Variants in SPIRE1 observed in about 807,000 individuals in gnomAD.
SPIRE1 encodes the protein protein spire homolog 1.
A neutral mutation model predicts 94.1 loss-of-function variants in SPIRE1; 40 were observed. The ratio of observed to expected loss-of-function variants is 0.43; its 90% CI spans 0.33 to 0.55. SPIRE1 has a LOEUF of 0.55. Among genes scored for constraint, SPIRE1 ranks in the 20% least tolerant of loss-of-function variants. SPIRE1 has a pLI of 0.06. For synonymous variants in SPIRE1, 376 were observed against 371.7 expected (o/e 1.01, Z -0.13); for missense variants, 838 against 975.2 (o/e 0.86, Z 1.87).
chr18:12,563,900 G>A lies in SPIRE1; in HGVS notation c.373-16996C>T, dbSNP rs1598476293. Among the ~76,000 whole-genome samples, 3 of 152,176 alleles carry A rather than the reference G, an allele frequency of 2.0e-5. No individual in the cohort carries two copies. In the East Asian group the frequency reaches 5.8e-4, roughly 29 times the overall value. On this transcript the variant is annotated intron_variant, in intron 2 of 16. Transcript: ENST00000409402. Reference sequence around the variant, plus strand: ...TCCTGAAATGTGTAAATATTCAAGAGCAAACTATTAAATTCTATCTTTTTC... The same window carrying A: ...TCCTGAAATGTGTAAATATTCAAGAACAAACTATTAAATTCTATCTTTTTC...
At chr18:12,562,398 T>C (rs925485281) in intron 2 of SPIRE1, among the ~76,000 whole-genome samples, 3 of 151,912 alleles carry the variant, frequency 2.0e-5, no homozygotes, top group Admixed American at 1.3e-4. Flanking sequence ...GATCCTCCCA[T>C]CTCAGCCTCC....
At chr18:12,452,201 A>T (rs1465140058) in intron 16 of SPIRE1, 54 bp downstream of exon 16, 1 of 1,609,166 alleles carries the variant, frequency 6.2e-7, no homozygotes, top group Non-Finnish European at 8.5e-7. Context: ...AGTCCTCAAG[A>T]GTAGAACTCT....
chr18:12,582,437 C>T (rs990235928), intron 2 of SPIRE1, among the ~76,000 whole-genome samples: 7 of 152,108 alleles, frequency 4.6e-5, no homozygotes. Flanking sequence ...TAAAGCTAAA[C>T]TGTGGTATGT....
At chr18:12,629,685 T>C (rs1598557441) in intron 2 of SPIRE1, among the ~76,000 whole-genome samples, 1 of 152,170 alleles carries the variant, frequency 6.6e-6, no homozygotes, top group Non-Finnish European at 1.5e-5. Flanking sequence ...AACTTGATTG[T>C]AGGGATAGTT....
At chr18:12,545,802 C>G (rs2035145257) in intron 3 of SPIRE1, among the ~76,000 whole-genome samples, 1 of 152,032 alleles carries the variant, frequency 6.6e-6, no homozygotes, top group African/African-American at 2.4e-5. Flanking sequence ...GTTTTTTACT[C>G]TAGAAAAAGG....
chr18:12,566,437 A>G (rs2037510878), intron 2 of SPIRE1, among the ~76,000 whole-genome samples: 1 of 152,264 alleles, frequency 6.6e-6, no homozygotes, highest in South Asian at 2.1e-4. Context: ...TGAAGTAAAA[A>G]TAAGTGATGG....
chr18:12,506,114 C>T (rs1356522360), intron 6 of SPIRE1, among the ~76,000 whole-genome samples: 1 of 152,046 alleles, frequency 6.6e-6, no homozygotes, highest in African/African-American at 2.4e-5. Context: ...CTATTTTCAA[C>T]AAATGCAATT....
intron 16 of SPIRE1, chr18:12,451,065 T>C: frequency 2.5e-6 from 1 of 397,042 alleles, no homozygotes; most frequent in Non-Finnish European, 4.5e-6. Flanking sequence ...TAAGAGACTG[T>C]CCATTTGAAA....
At chr18:12,506,743 A>G in intron 5 of SPIRE1, 102 bp from the exon 6 acceptor site, 5 of 1,159,298 alleles carry the variant, frequency 4.3e-6, no homozygotes, top group Non-Finnish European at 6.2e-6. Flanking sequence ...TTACAAAACA[A>G]TGAGTAAACC....
Position 12,447,007 on chromosome 18 carries a change from G to T in SPIRE1, c.*2631C>A, listed in dbSNP as rs1200152586. ...AGTTAATTCCCACTGTCCACTGAATGAATGCCTTTCAAATATTAATAAATA... is the reference window on the plus strand; with the variant it reads ...AGTTAATTCCCACTGTCCACTGAATTAATGCCTTTCAAATATTAATAAATA... On this transcript the variant is annotated 3_prime_UTR_variant, in exon 17 of 17. Coordinates refer to ENST00000409402, the MANE Select transcript of SPIRE1 (RefSeq NM_001128626.2). The T allele has an allele frequency of 6.6e-6, 1 of 152,132 alleles. No homozygotes were observed. The highest frequency in any genetic ancestry group is 1.5e-5 in the Non-Finnish European group (1 of 68,022). 9.4% of individuals were successfully genotyped at this position (152,132 alleles called of 1,614,324 possible). A position where few individuals can be genotyped will look rare whatever the true frequency, so the allele number is the denominator to read the frequency against.
chr18:12,480,009 T>A (rs1222763539), intron 9 of SPIRE1, 138 bp from the exon 10 acceptor site: 1 of 654,160 alleles, frequency 1.5e-6, no homozygotes, highest in Non-Finnish European at 2.4e-6. Context: ...ATAGAAAACT[T>A]CTTCTGGTTG....
At chr18:12,585,979 C>T (rs896034113) in intron 2 of SPIRE1, among the ~76,000 whole-genome samples, 2 of 152,150 alleles carry the variant, frequency 1.3e-5, no homozygotes, top group Non-Finnish European at 1.5e-5. Flanking sequence ...GAGACAGGGT[C>T]TTGCTCTGTC....
intron 2 of SPIRE1, among the ~76,000 whole-genome samples, chr18:12,597,800 T>C (rs191444254): frequency 1.4e-4 from 22 of 152,300 alleles, no homozygotes; most frequent in African/African-American, 5.1e-4. Context: ...CAATTAAATA[T>C]GCAGGCTGGA....
intron 2 of SPIRE1, among the ~76,000 whole-genome samples, chr18:12,608,229 T>A (rs2037042928): frequency 1.3e-5 from 2 of 152,154 alleles, no homozygotes; most frequent in African/African-American, 2.4e-5. Flanking sequence ...AATTTTTTTT[T>A]AATTTTGTCT....
rs199553990 is a variant in SPIRE1, at chr18:12,635,405, CTTTCT to C, written c.338-314_338-310del. 1.2e-3 allele frequency among the ~76,000 whole-genome samples: 177 copies of C among 152,198 alleles called. 1 individual carries two copies. Among genetic ancestry groups the C allele is most frequent in the East Asian group, 7.3e-3 (38 of 5,192 alleles). ...CAAACAAAAACATTTGAAAGTCTTG[CTTTCT>C]TTTAAGAAACACCTTAAAATACTTT... On this transcript the variant is annotated intron_variant, in intron 1 of 16. Coordinates refer to ENST00000409402, the MANE Select transcript of SPIRE1 (RefSeq NM_001128626.2).
At chr18:12,555,997 A>G (rs1180589836) in intron 2 of SPIRE1, among the ~76,000 whole-genome samples, 1 of 152,200 alleles carries the variant, frequency 6.6e-6, no homozygotes, top group African/African-American at 2.4e-5. Context: ...ATCAACATAC[A>G]AAAATCAGTC....
chr18:12,523,058 GA>G (rs2034408753), intron 4 of SPIRE1, among the ~76,000 whole-genome samples: 1 of 152,142 alleles, frequency 6.6e-6, no homozygotes. Flanking sequence ...TTCTGGAAAG[GA>G]TTCATCATTC....
At chr18:12,470,728 C>G (rs1348932741) in intron 10 of SPIRE1, among the ~76,000 whole-genome samples, 2 of 152,122 alleles carry the variant, frequency 1.3e-5, no homozygotes, top group Non-Finnish European at 2.9e-5. Context: ...TTTTGCTTAT[C>G]TGGGGAATTC....
intron 2 of SPIRE1, among the ~76,000 whole-genome samples, chr18:12,580,709 C>T (rs908793173): frequency 2.0e-5 from 3 of 152,204 alleles, no homozygotes; most frequent in African/African-American, 4.8e-5. Context: ...AAATGAACTA[C>T]ACTACAGCAA....
Sources: allele counts gnomAD v4.1 joint callset (sites outside exome capture counted in the v4.1 genomes callset), GRCh38; gene constraint gnomAD v4.1.1; transcripts MANE v1.5; gene names NCBI Gene and HGNC (gene_info 2026-07-23, HGNC 2026-07-21).